ENPP4: variants seen among roughly 807,000 people sequenced by gnomAD.
ENPP4 encodes the protein bis(5'-adenosyl)-triphosphatase ENPP4.
A neutral mutation model predicts 33.4 loss-of-function variants in ENPP4; 18 were observed. That is an observed-to-expected ratio of 0.54 (90% CI 0.37 to 0.80). The LOEUF is 0.80. Among genes scored for constraint, ENPP4 ranks in the 30% least tolerant of loss-of-function variants. The pLI, the probability that ENPP4 is intolerant of heterozygous loss-of-function variation, is 0.00. For synonymous variants in ENPP4, 172 were observed against 189.9 expected (o/e 0.91, Z 0.78); for missense variants, 480 against 541.7 (o/e 0.89, Z 1.13).
chr6:46,136,718 C>A (rs1581954454), intron 1 of ENPP4, among the ~76,000 whole-genome samples: 1 of 151,756 alleles, frequency 6.6e-6, no homozygotes, highest in East Asian at 1.9e-4. Context: ...CCCAGAGAGA[C>A]TGAGTAGGCA....
At position 46,141,091 on chromosome 6, in the gene ENPP4, C is replaced by T; in HGVS notation, c.866C>T (p.Pro289Leu). 1 of 1,606,836 alleles carries T rather than the reference C, an allele frequency of 6.2e-7. No individual in the cohort carries two copies. The stretch of plus-strand genomic sequence containing the variant: ...TATAACAAACTGAAAAACTGTAGCC[C>T]TCATATGAATGTTTATCTCAAAGAA... ...EVYNKLKNCS[P>L]HMNVYLKEDI... is the part of the protein sequence containing the mutation. The change falls in exon 3 of 4, where the codon CCT becomes CTT. Residue 289 changes from proline to leucine, a missense_variant. Physicochemically the swap from Pro to Leu is moderately conservative, Grantham distance 98. Coordinates refer to ENST00000321037, the MANE Select transcript of ENPP4 (RefSeq NM_014936.5).
intron 1 of ENPP4, among the ~76,000 whole-genome samples, chr6:46,138,480 T>C (rs1335102968): frequency 6.6e-6 from 1 of 151,846 alleles, no homozygotes; most frequent in Non-Finnish European, 1.5e-5. Flanking sequence ...CTTTCTCCCA[T>C]CTTCCACATT....
Position 46,143,856 on chromosome 6 carries a change from G to A in ENPP4, c.*216G>A. On this transcript the variant is annotated 3_prime_UTR_variant, in exon 4 of 4. Transcript: ENST00000321037. ...TAGTAAAATTGTTAGTAAATCATTAGGTAACATCTTGTGGTAGGAAATCAT... is the reference window on the plus strand; with the variant it reads ...TAGTAAAATTGTTAGTAAATCATTAAGTAACATCTTGTGGTAGGAAATCAT... The A allele has an allele frequency of 2.2e-6, 1 of 454,430 alleles. No homozygotes were observed. The highest frequency in any genetic ancestry group is 3.9e-6 in the Non-Finnish European group (1 of 257,958). 28.1% of individuals were successfully genotyped at this position (454,430 alleles called of 1,614,324 possible). A position where few individuals can be genotyped will look rare whatever the true frequency, so the allele number is the denominator to read the frequency against.
At chr6:46,143,141 T>G in intron 3 of ENPP4, 135 bp from the exon 4 acceptor site, 1 of 799,628 alleles carries the variant, frequency 1.3e-6, no homozygotes. Context: ...ATATGGAACA[T>G]AGCTGAGTTG....
Position 46,145,929 on chromosome 6 carries a change from G to A in ENPP4, c.*2289G>A, listed in dbSNP as rs2127493644. On this transcript the variant is annotated 3_prime_UTR_variant, in exon 4 of 4. Coordinates refer to ENST00000321037, the MANE Select transcript of ENPP4 (RefSeq NM_014936.5). ...CTTTTAAAAAATTATCACTGTTAAAGCCATTGACTCCTTTAGTACACTGAG... is the reference window on the plus strand; with the variant it reads ...CTTTTAAAAAATTATCACTGTTAAAACCATTGACTCCTTTAGTACACTGAG... 1 of 151,922 alleles carries A rather than the reference G, an allele frequency of 6.6e-6. No homozygotes were observed. The highest frequency in any genetic ancestry group is 1.9e-4 in the East Asian group (1 of 5,184). The allele number at this position is 151,922 out of a possible 1,614,324, so 9.4% of individuals were successfully genotyped here.
intron 1 of ENPP4, among the ~76,000 whole-genome samples, chr6:46,135,622 C>G (rs1055237738): frequency 1.3e-5 from 2 of 151,952 alleles, no homozygotes; most frequent in Non-Finnish European, 2.9e-5. Context: ...TGTCTTTTCA[C>G]TTTCTTGATG....
At chr6:46,132,272 G>A (rs1259471380) in intron 1 of ENPP4, among the ~76,000 whole-genome samples, 1 of 152,070 alleles carries the variant, frequency 6.6e-6, no homozygotes, top group Non-Finnish European at 1.5e-5. Context: ...TTCTTCTAGG[G>A]TTTTTATGGT....
rs1303459710 is a variant in ENPP4 at position 46,145,101 on chromosome 6, T to C, written c.*1461T>C. 1 of 390,122 alleles carries C rather than the reference T, an allele frequency of 2.6e-6. No individual in the cohort carries two copies. Among genetic ancestry groups the C allele is most frequent in the Non-Finnish European group, 4.5e-6 (1 of 220,392 alleles). The allele number at this position is 390,122 out of a possible 1,614,324, so 24.2% of individuals were successfully genotyped here. ...GTTAATAGTATGATCTTTAAAGTTT[T>C]GACAATATAAAATAAACTTGGTAAC... is the stretch of plus-strand genomic sequence containing the variant. On this transcript the variant is annotated 3_prime_UTR_variant, in exon 4 of 4. Transcript: ENST00000321037.
At chr6:46,132,906 C>G (rs2127491717) in intron 1 of ENPP4, among the ~76,000 whole-genome samples, 1 of 151,896 alleles carries the variant, frequency 6.6e-6, no homozygotes, top group East Asian at 1.9e-4. Flanking sequence ...ATTTTATTCT[C>G]TTTGAAGCAA....
Position 46,143,580 on chromosome 6 carries a change from A to T in ENPP4, c.1302A>T (p.Val434=). 1 of 1,612,382 alleles carries T rather than the reference A, an allele frequency of 6.2e-7. No individual in the cohort carries two copies. Among genetic ancestry groups the T allele is most frequent in the Non-Finnish European group, 8.5e-7 (1 of 1,178,794 alleles). The part of the protein sequence containing the change: ...LIIIMQNRLS[V]PRPFSRLQLQ... ...TAATCATGCAGAATAGACTTTCTGTACCTCGTCCATTTTCTCGACTTCAGC... is the reference window on the plus strand; with the variant it reads ...TAATCATGCAGAATAGACTTTCTGTTCCTCGTCCATTTTCTCGACTTCAGC... Residue 434 remains valine, a synonymous_variant, in exon 4 of 4, where the codon GTA becomes GTT. Coordinates refer to ENST00000321037, the MANE Select transcript of ENPP4 (RefSeq NM_014936.5).
Position 46,146,454 on chromosome 6 carries a change from T to C in ENPP4, c.*2814T>C, listed in dbSNP as rs1034872075. On this transcript the variant is annotated 3_prime_UTR_variant, in exon 4 of 4. Coordinates refer to ENST00000321037, the MANE Select transcript of ENPP4 (RefSeq NM_014936.5). ...ACTTCCTTGTTAACATATAAAGTTA[T>C]AAATGAAGGACAAGGAGGAGATGGA... is the stretch of plus-strand genomic sequence containing the variant. The C allele has an allele frequency of 6.6e-6, 1 of 152,382 alleles. No individual in the cohort carries two copies. Among genetic ancestry groups the C allele is most frequent in the Admixed American group, 6.6e-5 (1 of 15,214 alleles). 9.4% of individuals were successfully genotyped at this position (152,382 alleles called of 1,614,324 possible). A position where few individuals can be genotyped will look rare whatever the true frequency, so the allele number is the denominator to read the frequency against.
chr6:46,132,570 G>A (rs917922161), intron 1 of ENPP4, among the ~76,000 whole-genome samples: 22 of 152,266 alleles, frequency 1.4e-4, no homozygotes, highest in Admixed American at 9.8e-4. Context: ...TTGTAGTATC[G>A]TTTGAAGTCA....
In ENPP4 at chr6:46,139,843, G is replaced by C; in HGVS notation, c.260G>C (p.Gly87Ala). 1 of 1,612,572 alleles carries C rather than the reference G, an allele frequency of 6.2e-7. No individual in the cohort carries two copies. The highest frequency in any genetic ancestry group is 8.5e-7 in the Non-Finnish European group (1 of 1,179,030). ...ACAGGCTTGTATGAAGAAAGCCATGGCATTGTGGCTAATTCCATGTATGAT... is the reference window on the plus strand; with the variant it reads ...ACAGGCTTGTATGAAGAAAGCCATGCCATTGTGGCTAATTCCATGTATGAT... ...IVTGLYEESH[G>A]IVANSMYDAV... The change falls in exon 2 of 4, where the codon GGC becomes GCC. Residue 87 changes from glycine (G) to alanine (A), a missense_variant. Physicochemically the swap from Gly to Ala is moderately conservative, Grantham distance 60 (BLOSUM62 0). Transcript: ENST00000321037.
intron 2 of ENPP4, 140 bp from the exon 3 acceptor site, chr6:46,140,912 C>T (rs1764051581): frequency 3.4e-6 from 2 of 580,510 alleles, no homozygotes; most frequent in Non-Finnish European, 6.0e-6. Flanking sequence ...AACACTCTCA[C>T]ATTATTATTG....
intron 1 of ENPP4, among the ~76,000 whole-genome samples, chr6:46,131,463 C>G (rs1417042127): frequency 2.0e-5 from 3 of 152,040 alleles, no homozygotes; most frequent in Non-Finnish European, 4.4e-5. Context: ...CAATTTCATC[C>G]ATGTCCCTAC....
chr6:46,140,533 A>C, intron 2 of ENPP4, 124 bp downstream of exon 2: 1 of 604,006 alleles, frequency 1.7e-6, no homozygotes. Context: ...TCAGAGTGGG[A>C]TTATATGTTT....
chr6:46,142,865 T>C (rs1454591151), intron 3 of ENPP4, among the ~76,000 whole-genome samples: 2 of 151,774 alleles, frequency 1.3e-5, no homozygotes, highest in Non-Finnish European at 3.0e-5. Context: ...GATTTTCTTT[T>C]TCTCCATTTG....
At chr6:46,137,622 CTG>C (rs1763995387) in intron 1 of ENPP4, among the ~76,000 whole-genome samples, 2 of 151,868 alleles carry the variant, frequency 1.3e-5, no homozygotes, top group South Asian at 4.1e-4. Flanking sequence ...ATGACTAGGG[CTG>C]TGTCTGTGGA....
Position 46,130,151 on chromosome 6 carries a change from C to T in ENPP4, c.-72C>T, listed in dbSNP as rs377286278. 6.6e-6 allele frequency: 1 copy of T among 152,268 alleles called. No homozygotes were observed. Among genetic ancestry groups the T allele is most frequent in the Non-Finnish European group, 1.5e-5 (1 of 68,088 alleles). 9.4% of individuals were successfully genotyped at this position (152,268 alleles called of 1,614,324 possible). ...CACGAGTGCCAGGTGCCGCGAGCGC[C>T]GAGTTCCGCGCATTGGAAAGAAGCG... On this transcript the variant is annotated 5_prime_UTR_variant, in exon 1 of 4. Transcript: ENST00000321037.
Sources: gnomAD v4.1 joint callset for allele counts (sites outside exome capture counted in the v4.1 genomes callset) on GRCh38, gnomAD v4.1.1 for gene constraint, MANE v1.5 for transcripts, NCBI Gene and HGNC (gene_info 2026-07-23, HGNC 2026-07-21) for gene names.